EIF3I: variants seen among roughly 807,000 people sequenced by gnomAD.
EIF3I encodes eukaryotic translation initiation factor 3 subunit I.
A neutral mutation model predicts 43.3 loss-of-function variants in EIF3I; 20 were observed. The observed-to-expected ratio is 0.46, with a 90% CI of 0.32 to 0.67. The LOEUF (loss-of-function observed/expected upper bound fraction) is 0.67. Ranked by LOEUF, EIF3I falls within the 30% of genes least tolerant of loss-of-function variation. EIF3I has a pLI of 0.03. For synonymous variants in EIF3I, 167 were observed against 151.7 expected, an observed-to-expected ratio of 1.10 and a Z score of -0.74; for missense variants, 279 against 421.4, an observed-to-expected ratio of 0.66 and a Z score of 2.96.
chr1:32,229,291 C>A, intron 9 of EIF3I, 83 bp downstream of exon 9: 1 of 1,445,338 alleles, frequency 6.9e-7, no homozygotes. Flanking sequence ...GATGGAGTCT[C>A]GCTCTGTCGC....
chr1:32,229,361 C>T (rs922038233), intron 9 of EIF3I, among the ~76,000 whole-genome samples, 153 bp downstream of exon 9: 2 of 149,520 alleles, frequency 1.3e-5, no homozygotes, highest in African/African-American at 2.5e-5. Context: ...CCCGGGTTGA[C>T]GCCATTCTCC....
chr1:32,224,583 A>C (rs1639112480), intron 4 of EIF3I, 108 bp downstream of exon 4: 2 of 766,992 alleles, frequency 2.6e-6, no homozygotes, highest in Admixed American at 4.5e-5. Context: ...GATAGTTTCC[A>C]GTCTAGGGAA....
exon 5 of EIF3I, chr1:32,226,226 C>A (rs1569859049): frequency 6.2e-7 from 1 of 1,614,078 alleles, no homozygotes; most frequent in Non-Finnish European, 8.5e-7. Context: ...GCGGTTTTGA[C>A]TTTGGGGGCA....
chr1:32,235,497 G>A (rs1474249859), downstream of EIF3I, among the ~76,000 whole-genome samples: 1 of 152,074 alleles, frequency 6.6e-6, no homozygotes, highest in Non-Finnish European at 1.5e-5. Context: ...CACCCAGCTA[G>A]TTTTTGCATT....
chr1:32,222,425 C>T, exon 1 of EIF3I: 1 of 1,594,558 alleles, frequency 6.3e-7, no homozygotes, highest in Non-Finnish European at 8.6e-7. Context: ...TGCGGCCTTC[C>T]TCGCGTCACA....
chr1:32,236,091 G>T (rs1334957817), downstream of EIF3I, among the ~76,000 whole-genome samples: 4 of 152,290 alleles, frequency 2.6e-5, no homozygotes. Flanking sequence ...ACTTTCTGAG[G>T]TTTCAGTTAC....
chr1:32,225,527 GA>G (rs1231320369), intron 4 of EIF3I, among the ~76,000 whole-genome samples: 2 of 151,354 alleles, frequency 1.3e-5, no homozygotes, highest in Middle Eastern at 3.5e-3. Context: ...TGGATCACCT[GA>G]GGTCAGGAGT....
At chr1:32,223,997 C>T in intron 2 of EIF3I, 37 bp from the exon 3 acceptor site, 2 of 1,600,600 alleles carry the variant, frequency 1.2e-6, no homozygotes, top group Non-Finnish European at 1.7e-6. Flanking sequence ...ATTGCTCTTA[C>T]TGGGATGTGT....
At chr1:32,222,576 G>A (rs1639033510) in exon 2 of EIF3I, 1 of 1,614,014 alleles carries the variant, frequency 6.2e-7, no homozygotes, top group Non-Finnish European at 8.5e-7. Context: ...GGTCCATTAC[G>A]CAGATTAAGT....
At chr1:32,226,190 C>G (rs1462621716) in exon 5 of EIF3I, 3 of 1,614,024 alleles carry the variant, frequency 1.9e-6, no homozygotes, top group Admixed American at 1.7e-5. Context: ...TGGCCCTTCT[C>G]AAGACCAATT....
At chr1:32,222,868 G>A (rs1639048310) in intron 2 of EIF3I, among the ~76,000 whole-genome samples, 1 of 152,178 alleles carries the variant, frequency 6.6e-6, no homozygotes, top group Non-Finnish European at 1.5e-5. Context: ...AGGCCGAGGT[G>A]GGAGGGTCGC....
intron 3 of EIF3I, 62 bp downstream of exon 3, chr1:32,224,183 TTGG>T: frequency 6.7e-7 from 1 of 1,495,712 alleles, no homozygotes; most frequent in Non-Finnish European, 9.3e-7. Flanking sequence ...AGAGGCTGAG[TTGG>T]GAGTTGGGAG....
rs1363540069 is a variant in EIF3I, at chr1:32,226,384, C to T, written c.401-19C>T. 3.7e-6 allele frequency: 6 copies of T among 1,610,780 alleles called. No individual in the cohort carries two copies. In the Admixed American group the frequency reaches 6.7e-5, roughly 18 times the overall value. On this transcript the variant is annotated intron_variant, in intron 5 of 11. Coordinates refer to ENST00000676679, the Ensembl canonical transcript of EIF3I. ...TACAGTTCTAGAGCCCAGGGCCTAA[C>T]ATCTACTGCCCCACACAGACAACAA...
intron 8 of EIF3I, 86 bp downstream of exon 8, chr1:32,228,902 T>G: frequency 1.6e-6 from 2 of 1,233,110 alleles, no homozygotes; most frequent in South Asian, 2.6e-5. Flanking sequence ...GCTACAACAT[T>G]GTGGGGGAAA....
At chr1:32,227,024 G>T (rs1353524685) in intron 6 of EIF3I, among the ~76,000 whole-genome samples, 1 of 150,984 alleles carries the variant, frequency 6.6e-6, no homozygotes, top group Non-Finnish European at 1.5e-5. Context: ...GTAGAGATGG[G>T]GTTTCTCCAT....
chr1:32,225,265 T>C (rs982699491), intron 4 of EIF3I, among the ~76,000 whole-genome samples: 2 of 151,614 alleles, frequency 1.3e-5, no homozygotes, highest in Admixed American at 1.3e-4. Flanking sequence ...CACAAGCCAC[T>C]GTGCCCAGCC....
Position 32,228,479 on chromosome 1 carries a change from C to A in EIF3I, c.529-20C>A. On this transcript the variant is annotated intron_variant, in intron 6 of 11. Transcript: ENST00000676679. ...AGTAGGGATTGGGCCCATTCAGTGT[C>A]ACTCTTCTTCCTTCCCTAGTCTGGA... The A allele has an allele frequency of 6.2e-7, 1 of 1,605,532 alleles. No homozygotes were observed. Among genetic ancestry groups the A allele is most frequent in the South Asian group, 1.1e-5 (1 of 90,816 alleles).
chr1:32,224,516 C>T, intron 4 of EIF3I, 41 bp downstream of exon 4: 1 of 1,496,248 alleles, frequency 6.7e-7, no homozygotes, highest in South Asian at 1.1e-5. Context: ...ATATTGAGGA[C>T]CTACAGTGTA....
Position 32,224,398 on chromosome 1 carries a change from A to C in EIF3I, c.185-12A>C. 1 of 1,612,762 alleles carries C rather than the reference A, an allele frequency of 6.2e-7. No homozygotes were observed. Among genetic ancestry groups the C allele is most frequent in the Non-Finnish European group, 8.5e-7 (1 of 1,179,004 alleles). ...CGGGTGAACTTCGTCATATTTCTTAACAACTCTTCAGGGGACACCAAGCAT... is the reference window on the plus strand; with the variant it reads ...CGGGTGAACTTCGTCATATTTCTTACCAACTCTTCAGGGGACACCAAGCAT... On this transcript the variant is annotated splice_polypyrimidine_tract_variant and intron_variant, in intron 3 of 11. Transcript: ENST00000676679.
Sources: allele counts gnomAD v4.1 joint callset (sites outside exome capture counted in the v4.1 genomes callset), GRCh38; gene constraint gnomAD v4.1.1; transcripts MANE v1.5; gene names NCBI Gene and HGNC (gene_info 2026-07-23, HGNC 2026-07-21).